Variants in CMAS observed in about 807,000 individuals in gnomAD.
CMAS encodes the protein cytidine monophosphate N-acetylneuraminic acid synthetase.
In CMAS, 21 loss-of-function variants were observed where a neutral mutation model predicts 53.4. That is an observed-to-expected ratio of 0.39 (90% confidence interval 0.28 to 0.57). The LOEUF (loss-of-function observed/expected upper bound fraction) is 0.57, where lower values mean the gene tolerates loss of function less well. Ranked by LOEUF, CMAS falls within the 20% of genes least tolerant of loss-of-function variation. CMAS has a pLI of 0.56. For synonymous variants in CMAS, 189 were observed against 195.2 expected (o/e 0.97, Z 0.27); for missense variants, 384 against 534.9 (o/e 0.72, Z 2.78).
chr12:22,046,819 G>A (rs1950210003), intron 1 of CMAS, among the ~76,000 whole-genome samples: 1 of 152,164 alleles, frequency 6.6e-6, no homozygotes, highest in Non-Finnish European at 1.5e-5. Context: ...AGAATCATCC[G>A]TAAAAGGGGA....
In CMAS at chr12:22,060,894, T is replaced by C. The variant is rs1950304997; in HGVS notation, c.756T>C (p.Ile252=). ...AEHSVDIDVD[I]DWPIAEQRVL... is the part of the protein sequence containing the mutation. ...ATAGTGTGGATATAGATGTGGATAT[T>C]GATTGGCCTATTGCAGAGCAAAGAG... is the stretch of plus-strand genomic sequence containing the variant. Residue 252 remains isoleucine (I), a synonymous_variant, in exon 5 of 8, where the codon ATT becomes ATC. Transcript: ENST00000229329. The C allele has an allele frequency of 1.9e-6, 3 of 1,610,940 alleles. No homozygotes were observed. The highest frequency in any genetic ancestry group is 2.5e-6 in the Non-Finnish European group (3 of 1,177,344).
At chr12:22,059,130 A>ATG (rs1416073352) in intron 4 of CMAS, among the ~76,000 whole-genome samples, 1 of 118,022 alleles carries the variant, frequency 8.5e-6, no homozygotes, top group Non-Finnish European at 1.7e-5. Flanking sequence ...GAATCTTTTT[A>ATG]TATATATATA....
At position 22,065,259 on chromosome 12, in the gene CMAS, C is replaced by T. The variant is rs1950339031; in HGVS notation, c.1253C>T (p.Ala418Val). ...NGGRGAIREF[A>V]EHICLLMEKV... is the part of the protein sequence containing the mutation. ...GGCCGTGGTGCCATCCGAGAATTTG[C>T]AGAGCACATTTGCCTACTAATGGAA... is the stretch of plus-strand genomic sequence containing the variant. Residue 418 changes from alanine to valine, a missense_variant, in exon 8 of 8, where the codon GCA becomes GTA. Ala to Val is a moderately conservative substitution (Grantham distance 64, BLOSUM62 0). Transcript: ENST00000229329. 2 of 1,613,866 alleles carry T rather than the reference C, an allele frequency of 1.2e-6. No homozygotes were observed. The highest frequency in any genetic ancestry group is 3.3e-5 in the Admixed American group (2 of 60,010).
At position 22,058,741 on chromosome 12, in the gene CMAS, G is replaced by A. The variant is rs118045751; in HGVS notation, c.693+41G>A. 102 of 1,594,270 alleles carry A rather than the reference G, an allele frequency of 6.4e-5. No homozygotes were observed. In the East Asian group the frequency reaches 1.2e-3, roughly 19 times the overall value. ...TTGCATAACCCTTTTAAGCGCTTTT[G>A]TAGGCATACTTTGAGTTCTAGGGAA... On this transcript the variant is annotated intron_variant, in intron 4 of 7. Transcript: ENST00000229329.
chr12:22,063,250 TAAG>T (rs1950320297), intron 7 of CMAS, among the ~76,000 whole-genome samples: 2 of 152,130 alleles, frequency 1.3e-5, no homozygotes, highest in African/African-American at 2.4e-5. Context: ...AGCCTCAAAA[TAAG>T]AAGCACAGGA....
At chr12:22,050,920 C>CT (rs1412295553) in intron 1 of CMAS, among the ~76,000 whole-genome samples, 2 of 151,958 alleles carry the variant, frequency 1.3e-5, no homozygotes. Context: ...ATTCAATTGA[C>CT]TTACTATGAA....
At chr12:22,055,324 T>C in intron 2 of CMAS, 33 bp downstream of exon 2, 1 of 1,522,648 alleles carries the variant, frequency 6.6e-7, no homozygotes, top group East Asian at 2.3e-5. Context: ...ATTCAAACCT[T>C]TATGTACTTT....
At chr12:22,055,734 CT>C in intron 3 of CMAS, 124 bp downstream of exon 3, 1 of 748,102 alleles carries the variant, frequency 1.3e-6, no homozygotes, top group Non-Finnish European at 2.1e-6. Context: ...TGACTCATTA[CT>C]TTAGTAGGTA....
chr12:22,065,390 A>T lies in CMAS; in HGVS notation c.*79A>T. The T allele has an allele frequency of 9.3e-7, 1 of 1,075,630 alleles. No individual in the cohort carries two copies. Among genetic ancestry groups the T allele is most frequent in the South Asian group, 1.4e-5 (1 of 69,212 alleles). The allele number at this position is 1,075,630 out of a possible 1,614,324, so 66.6% of individuals were successfully genotyped here. A position where few individuals can be genotyped will look rare whatever the true frequency, so the allele number is the denominator to read the frequency against. On this transcript the variant is annotated 3_prime_UTR_variant, in exon 8 of 8. Coordinates refer to ENST00000229329, the MANE Select transcript of CMAS (RefSeq NM_018686.6). ...TTTTATTTTTGATTAAGTAAATTCC[A>T]TGTTGTAATGTTACAGAGAGTGTGA...
rs967404547 is a variant in CMAS, at chr12:22,057,911, T to TC, written c.560-647dup. Among the ~76,000 whole-genome samples the TC allele has an allele frequency of 7.0e-4, 103 of 148,022 alleles. 1 individual carries two copies. Among genetic ancestry groups the TC allele is most frequent in the East Asian group, 1.4e-3 (7 of 4,956 alleles). On this transcript the variant is annotated intron_variant, in intron 3 of 7. Coordinates refer to ENST00000229329, the MANE Select transcript of CMAS (RefSeq NM_018686.6). ...GGCGCAATCTCGGCTCACTGCAATC[T>TC]CCCCCCCCCGGGTTCAAGCGATTCT...
rs1357869181 is a variant in CMAS, at chr12:22,065,317, A to G, written c.*6A>G. ...ATAATTCATGCCAAAAATAGAAATTAGCGTAATATTGAGAAAAAAATGATA... is the reference window on the plus strand; with the variant it reads ...ATAATTCATGCCAAAAATAGAAATTGGCGTAATATTGAGAAAAAAATGATA... On this transcript the variant is annotated 3_prime_UTR_variant, in exon 8 of 8. Transcript: ENST00000229329. The G allele has an allele frequency of 6.2e-7, 1 of 1,601,266 alleles. No individual in the cohort carries two copies.
At chr12:22,060,753 T>C in intron 4 of CMAS, 79 bp from the exon 5 acceptor site, 1 of 791,460 alleles carries the variant, frequency 1.3e-6, no homozygotes, top group Non-Finnish European at 2.2e-6. Flanking sequence ...ATGAATTCAT[T>C]GTTCTGTATT....
At chr12:22,051,306 A>C (rs1482262898) in intron 1 of CMAS, among the ~76,000 whole-genome samples, 1 of 152,234 alleles carries the variant, frequency 6.6e-6, no homozygotes, top group Non-Finnish European at 1.5e-5. Flanking sequence ...AGTAAACCTC[A>C]GAACAAATTG....
At chr12:22,055,682 A>G (rs1341239815) in intron 3 of CMAS, 72 bp downstream of exon 3, 25 of 1,297,282 alleles carry the variant, frequency 1.9e-5, no homozygotes, top group Non-Finnish European at 1.5e-5. Flanking sequence ...AATATCCTTT[A>G]GGCATGAGGA....
At chr12:22,060,810 A>C (rs769688431) in intron 4 of CMAS, 22 bp from the exon 5 acceptor site, 1 of 1,375,544 alleles carries the variant, frequency 7.3e-7, no homozygotes, top group Non-Finnish European at 1.0e-6. Flanking sequence ...AACAGTATTC[A>C]TGACATTTAT....
In CMAS at chr12:22,064,155, C is replaced by A. The variant is rs142214832; in HGVS notation, c.1115-966C>A. Among the ~76,000 whole-genome samples the A allele has an allele frequency of 5.4e-3, 823 of 151,904 alleles. 7 individuals are homozygous for A. Among genetic ancestry groups the A allele is most frequent in the Non-Finnish European group, 9.5e-3 (644 of 67,952 alleles). On this transcript the variant is annotated intron_variant, in intron 7 of 7. Transcript: ENST00000229329. ...AAAATTTCAGTAGATAAGCATAGAA[C>A]AAATGTAAAAGAAACTCTCTTCAAC...
At position 22,053,618 on chromosome 12, in the gene CMAS, G is replaced by A. The variant is rs188725231; in HGVS notation, c.261-1531G>A. ...GTGGGGGCCGGGCACGGTGGCTCACGCCTGTAATCCTAGCACTTTGGGAGG... is the reference window on the plus strand; with the variant it reads ...GTGGGGGCCGGGCACGGTGGCTCACACCTGTAATCCTAGCACTTTGGGAGG... On this transcript the variant is annotated intron_variant, in intron 1 of 7. Transcript: ENST00000229329. Among the ~76,000 whole-genome samples the A allele has an allele frequency of 5.1e-3, 765 of 151,044 alleles. 21 individuals are homozygous for A. The highest frequency in any genetic ancestry group is 0.04 in the Admixed American group (602 of 15,194).
chr12:22,062,918 G>A (rs1950318278), intron 7 of CMAS, among the ~76,000 whole-genome samples: 2 of 152,142 alleles, frequency 1.3e-5, no homozygotes, highest in Admixed American at 1.3e-4. Context: ...CAATAGTGAA[G>A]TTAAAAGAAC....
chr12:22,062,108 A>G (rs1305505146), intron 6 of CMAS, among the ~76,000 whole-genome samples, 173 bp from the exon 7 acceptor site: 1 of 152,222 alleles, frequency 6.6e-6, no homozygotes, highest in Non-Finnish European at 1.5e-5. Context: ...GTTTTAAAGC[A>G]TCATGATTTT....
Sources: gnomAD v4.1 joint callset for allele counts (sites outside exome capture counted in the v4.1 genomes callset) on GRCh38, gnomAD v4.1.1 for gene constraint, MANE v1.5 for transcripts, NCBI Gene and HGNC (gene_info 2026-07-23, HGNC 2026-07-21) for gene names.